Variants in TENM3 observed in about 807,000 individuals in gnomAD.
The protein encoded by TENM3 is teneurin-3.
A neutral mutation model predicts 255.1 loss-of-function variants in TENM3; 63 were observed. That is an observed-to-expected ratio of 0.25 (90% confidence interval 0.20 to 0.30). The LOEUF is 0.30. Ranked by LOEUF, TENM3 falls within the 10% of genes least tolerant of loss-of-function variation. The pLI, the probability that TENM3 is intolerant of heterozygous loss-of-function variation, is 1.00. For missense variants in TENM3, 2,929 were observed against 3,461.1 expected (o/e 0.85, Z 3.86); for synonymous variants, 1,306 against 1,322.3 (o/e 0.99, Z 0.27).
the TENM3 span, among the ~76,000 whole-genome samples, chr4:181,677,082 G>T: frequency 6.9e-6 from 1 of 145,462 alleles, no homozygotes; most frequent in African/African-American, 2.6e-5. Context: ...CTTAAATATT[G>T]GGAGTGCCTC....
At chr4:181,866,196 C>T in the TENM3 span, among the ~76,000 whole-genome samples, 3 of 152,128 alleles carry the variant, frequency 2.0e-5, no homozygotes, top group African/African-American at 7.2e-5. Context: ...CATAAATTAA[C>T]GTGCTATTTC....
intron 3 of TENM3, among the ~76,000 whole-genome samples, chr4:182,437,939 GAGATC>G (rs1772167632): frequency 6.6e-6 from 1 of 152,052 alleles, no homozygotes; most frequent in Non-Finnish European, 1.5e-5. Flanking sequence ...GCAACAGAGC[GAGATC>G]CTGTCTCAAA....
chr4:181,686,038 G>C, the TENM3 span, among the ~76,000 whole-genome samples: 1 of 152,086 alleles, frequency 6.6e-6, no homozygotes, highest in Non-Finnish European at 1.5e-5. Context: ...TCATCAAATC[G>C]GATCAGTATG....
At position 182,256,764 on chromosome 4, in the gene TENM3, AG is replaced by A. The variant is rs1159998532; in HGVS notation, c.-76+13289del. Among the ~76,000 whole-genome samples, 7 of 152,350 alleles carry A rather than the reference AG, an allele frequency of 4.6e-5. No homozygotes were observed. In the East Asian group the frequency reaches 1.3e-3, roughly 29 times the overall value. On this transcript the variant is annotated intron_variant, in intron 1 of 27. Coordinates refer to ENST00000511685, the MANE Select transcript of TENM3 (RefSeq NM_001080477.4). Reference sequence around the variant, plus strand: ...GATATTCTTGTTACTATATAGAACAAGATTTTAGCTGTGTTGGAGCATTTCC... The same window carrying A: ...GATATTCTTGTTACTATATAGAACAAATTTTAGCTGTGTTGGAGCATTTCC...
chr4:181,527,075 A>ACCGT, the TENM3 span, among the ~76,000 whole-genome samples: 3 of 152,200 alleles, frequency 2.0e-5, no homozygotes, highest in Admixed American at 1.3e-4. Flanking sequence ...CCCCTGTGCG[A>ACCGT]CCAGTCAGTG....
chr4:182,706,291 C>T (rs1177271241), intron 12 of TENM3, among the ~76,000 whole-genome samples: 1 of 152,162 alleles, frequency 6.6e-6, no homozygotes, highest in African/African-American at 2.4e-5. Flanking sequence ...ATTTCTTGTG[C>T]CTCAGTTGCC....
the TENM3 span, among the ~76,000 whole-genome samples, chr4:181,553,739 C>A: frequency 6.6e-6 from 1 of 152,098 alleles, no homozygotes; most frequent in South Asian, 2.1e-4. Flanking sequence ...CCGCGCCCGG[C>A]CAATAGAAGG....
At chr4:181,570,218 T>C in the TENM3 span, among the ~76,000 whole-genome samples, 4 of 151,940 alleles carry the variant, frequency 2.6e-5, no homozygotes, top group African/African-American at 9.7e-5. Context: ...GCTAATTTTT[T>C]GTATTTTTAG....
intron 3 of TENM3, among the ~76,000 whole-genome samples, chr4:182,371,673 A>G (rs545394912): frequency 2.6e-5 from 4 of 152,156 alleles, no homozygotes; most frequent in Non-Finnish European, 4.4e-5. Flanking sequence ...AGTCTTACCA[A>G]TCGAATGCAA....
chr4:181,691,036 G>A, the TENM3 span, among the ~76,000 whole-genome samples: 2 of 151,998 alleles, frequency 1.3e-5, no homozygotes, highest in Non-Finnish European at 2.9e-5. Flanking sequence ...TTTTCTTTAT[G>A]CTATTTTAGG....
At chr4:182,093,159 GT>G in the TENM3 span, among the ~76,000 whole-genome samples, 2 of 152,162 alleles carry the variant, frequency 1.3e-5, no homozygotes, top group African/African-American at 4.8e-5. Flanking sequence ...AGATATCGGT[GT>G]CTTTAAAGCC....
the TENM3 span, among the ~76,000 whole-genome samples, chr4:181,833,613 T>A: frequency 1.3e-5 from 2 of 152,160 alleles, no homozygotes; most frequent in Non-Finnish European, 2.9e-5. Flanking sequence ...CATGACAAAT[T>A]CACACCTTTA....
rs181727890 is a variant in TENM3, at chr4:182,340,349, T to C, written c.233-6302T>C. 7.2e-5 allele frequency among the ~76,000 whole-genome samples: 11 copies of C among 152,306 alleles called. No individual in the cohort carries two copies. The East Asian group carries it at 2.1e-3, about 29-fold the overall frequency. On this transcript the variant is annotated intron_variant, in intron 2 of 27. Transcript: ENST00000511685. ...TGAGTCATCAATTAGATTATGAGTA[T>C]GGTGTCCAGTGGTCATTTTCAGCGT... is the stretch of plus-strand genomic sequence containing the variant.
At chr4:181,897,692 A>T in the TENM3 span, among the ~76,000 whole-genome samples, 1 of 152,184 alleles carries the variant, frequency 6.6e-6, no homozygotes, top group Non-Finnish European at 1.5e-5. Context: ...TTCAATTTCA[A>T]GTGTTTGAGG....
chr4:182,622,693 C>T (rs1750410994), intron 4 of TENM3, among the ~76,000 whole-genome samples: 1 of 152,154 alleles, frequency 6.6e-6, no homozygotes, highest in Non-Finnish European at 1.5e-5. Flanking sequence ...TGATTTCATT[C>T]CTTTATTAGC....
chr4:182,484,313 G>C (rs1167555195), intron 3 of TENM3, among the ~76,000 whole-genome samples: 2 of 152,132 alleles, frequency 1.3e-5, no homozygotes, highest in East Asian at 3.9e-4. Context: ...GTGGAGCTAG[G>C]ATTTGAACCC....
intron 3 of TENM3, among the ~76,000 whole-genome samples, chr4:182,597,632 G>A (rs781440036): frequency 9.2e-5 from 14 of 151,938 alleles, no homozygotes; most frequent in Non-Finnish European, 1.5e-5. Flanking sequence ...TAGGTATTTT[G>A]TCCACTAACC....
intron 5 of TENM3, among the ~76,000 whole-genome samples, chr4:182,637,751 A>G (rs990171235): frequency 2.6e-5 from 4 of 152,214 alleles, no homozygotes; most frequent in African/African-American, 9.6e-5. Context: ...GAATGCAAAC[A>G]CTGAGTAATT....
chr4:181,971,087 A>G, the TENM3 span, among the ~76,000 whole-genome samples: 4 of 152,182 alleles, frequency 2.6e-5, no homozygotes, highest in Non-Finnish European at 5.9e-5. Context: ...CGCTGGGATT[A>G]TAGGCCTAAG....
Sources: allele counts gnomAD v4.1 joint callset (sites outside exome capture counted in the v4.1 genomes callset), GRCh38; gene constraint gnomAD v4.1.1; transcripts MANE v1.5; gene names NCBI Gene and HGNC (gene_info 2026-07-23, HGNC 2026-07-21).